Variants in SGPP2 observed in about 807,000 individuals in gnomAD.
SGPP2 encodes sphingosine 1-phosphate phosphohydrolase 2.
Under a neutral mutation model 33.9 loss-of-function variants are expected in SGPP2, and 30 were observed. That is an observed-to-expected ratio of 0.89 (90% CI 0.66 to 1.20). SGPP2 has a LOEUF of 1.20. Ranked by LOEUF, SGPP2 falls within the 50% of genes most tolerant of loss-of-function variation. The pLI is 0.00. For missense variants in SGPP2, 458 were observed against 532.1 expected, an observed-to-expected ratio of 0.86 and a Z score of 1.37; for synonymous variants, 233 against 225.0, an observed-to-expected ratio of 1.04 and a Z score of -0.32.
chr2:222,530,506 G>A (rs115363744), intron 4 of SGPP2, among the ~76,000 whole-genome samples: 1,640 of 152,204 alleles, frequency 0.011, 34 homozygotes, highest in African/African-American at 0.038. Context: ...TTTTGAACAC[G>A]GCTTCTTTCC....
intron 1 of SGPP2, among the ~76,000 whole-genome samples, chr2:222,457,787 G>C (rs933895633): frequency 2.6e-5 from 4 of 152,216 alleles, no homozygotes; most frequent in Non-Finnish European, 5.9e-5. Flanking sequence ...GTGCATGTCT[G>C]TGCTGTCCTC....
intron 1 of SGPP2, among the ~76,000 whole-genome samples, chr2:222,434,710 T>G (rs1574828543): frequency 6.6e-6 from 1 of 152,188 alleles, no homozygotes; most frequent in African/African-American, 2.4e-5. Flanking sequence ...CCATAAAATT[T>G]TATGAAAAAC....
intron 2 of SGPP2, among the ~76,000 whole-genome samples, chr2:222,478,841 C>T (rs1697988797): frequency 6.6e-6 from 1 of 152,134 alleles, no homozygotes; most frequent in African/African-American, 2.4e-5. Flanking sequence ...TTAGTCCTCA[C>T]CTGTATTGTA....
chr2:222,546,165 G>C (rs1297764365), intron 4 of SGPP2, among the ~76,000 whole-genome samples: 1 of 151,888 alleles, frequency 6.6e-6, no homozygotes. Context: ...TCCAGTAAGT[G>C]CTATGATTTA....
chr2:222,445,143 T>G (rs1033977722), intron 1 of SGPP2, among the ~76,000 whole-genome samples: 8 of 152,210 alleles, frequency 5.3e-5, no homozygotes, highest in African/African-American at 1.9e-4. Flanking sequence ...AGATAGTAAC[T>G]AATTGCTGCT....
At chr2:222,447,143 C>A (rs1324967282) in intron 1 of SGPP2, among the ~76,000 whole-genome samples, 6 of 152,186 alleles carry the variant, frequency 3.9e-5, no homozygotes, top group Admixed American at 3.9e-4. Flanking sequence ...GCTGCTGTTG[C>A]TTCTGACATC....
intron 2 of SGPP2, among the ~76,000 whole-genome samples, chr2:222,491,016 C>G (rs1238413028): frequency 2.6e-5 from 4 of 151,998 alleles, no homozygotes; most frequent in African/African-American, 9.7e-5. Flanking sequence ...TTGTGCTTGC[C>G]CAGTAGGATG....
In SGPP2 at chr2:222,465,707, T is replaced by G. The variant is rs1164081285; in HGVS notation, c.220-8861T>G. On this transcript the variant is annotated intron_variant, in intron 1 of 4. Transcript: ENST00000321276. This position sits in a 1 kb window ranked among gnomAD's most constrained non-coding sequence, Gnocchi z 4.1. ...TCCCATTTAAAACCCTCCCATGGCT[T>G]TCTGCTCCTTCCAGCCTCAGTCTCA... 6.6e-6 allele frequency among the ~76,000 whole-genome samples: 1 copy of G among 152,224 alleles called. No individual in the cohort carries two copies. Among genetic ancestry groups the G allele is most frequent in the Non-Finnish European group, 1.5e-5 (1 of 68,034 alleles).
chr2:222,467,739 T>A (rs1697767371), intron 1 of SGPP2, among the ~76,000 whole-genome samples: 1 of 151,916 alleles, frequency 6.6e-6, no homozygotes, highest in Non-Finnish European at 1.5e-5. Context: ...AATCTTAACA[T>A]TATCTTAAAA....
intron 2 of SGPP2, among the ~76,000 whole-genome samples, chr2:222,501,571 A>T (rs1473962216): frequency 6.6e-6 from 1 of 152,210 alleles, no homozygotes; most frequent in Non-Finnish European, 1.5e-5. Context: ...TGAGCCTAAA[A>T]TCAGACTCTT....
chr2:222,494,616 G>A (rs139266789), intron 2 of SGPP2, among the ~76,000 whole-genome samples: 13 of 152,344 alleles, frequency 8.5e-5, no homozygotes, highest in Non-Finnish European at 1.6e-4. Context: ...GCAGTTCCAT[G>A]ACAGTCACCA....
At chr2:222,515,919 G>T (rs1030549076) in intron 2 of SGPP2, among the ~76,000 whole-genome samples, 18 of 152,066 alleles carry the variant, frequency 1.2e-4, no homozygotes, top group Middle Eastern at 3.2e-3. Flanking sequence ...GTGGTAGCGC[G>T]TGACTGTAGT....
At chr2:222,494,788 T>C (rs1307269197) in intron 2 of SGPP2, among the ~76,000 whole-genome samples, 1 of 152,220 alleles carries the variant, frequency 6.6e-6, no homozygotes, top group East Asian at 1.9e-4. Flanking sequence ...CCAAAGACTG[T>C]ACCTCTCTTT....
At chr2:222,473,709 G>C (rs1697884335) in intron 1 of SGPP2, among the ~76,000 whole-genome samples, 1 of 152,154 alleles carries the variant, frequency 6.6e-6, no homozygotes, top group African/African-American at 2.4e-5. Context: ...TGGATCACCT[G>C]AGGTTGGGAG....
intron 1 of SGPP2, among the ~76,000 whole-genome samples, chr2:222,461,578 A>G (rs1382887803): frequency 3.3e-5 from 5 of 151,940 alleles, no homozygotes; most frequent in African/African-American, 1.2e-4. Flanking sequence ...TGGGAGCCCT[A>G]AGCTTGTTTT....
At position 222,561,120 on chromosome 2, in the gene SGPP2, AT is replaced by A. The variant is rs1333634956; in HGVS notation, c.*2227del. 6.6e-6 allele frequency among the ~76,000 whole-genome samples: 1 copy of A among 151,598 alleles called. No individual in the cohort carries two copies. Among genetic ancestry groups the A allele is most frequent in the Non-Finnish European group, 1.5e-5 (1 of 67,952 alleles). Reference sequence around the variant, plus strand: ...ACTCTCTCAAAAAAAAAAAAAAAGAATTTTTAGCAAAACATCCTGTTTTTAC... The same window carrying A: ...ACTCTCTCAAAAAAAAAAAAAAAGAATTTTAGCAAAACATCCTGTTTTTAC... On this transcript the variant is annotated 3_prime_UTR_variant, in exon 5 of 5. Coordinates refer to ENST00000321276, the MANE Select transcript of SGPP2 (RefSeq NM_152386.4).
chr2:222,459,142 C>CTTTCTTTTTTTTTTTTTTTTTTTTTTTT (rs1414316448), intron 1 of SGPP2, among the ~76,000 whole-genome samples: 1 of 94,462 alleles, frequency 1.1e-5, no homozygotes, highest in Non-Finnish European at 2.1e-5. Flanking sequence ...TTCTTTCTTT[C>CTTTCTTTTTTTTTTTTTTTTTTTTTTTT]TTTTTTTTTT....
Position 222,477,166 on chromosome 2 carries a change from G to A in SGPP2, c.378+2440G>A, listed in dbSNP as rs1176667498. ...GTGTATATATCTGTGTGTGTGTATA[G>A]GTGTGTGTATATGTGTATGTGTGTA... On this transcript the variant is annotated intron_variant, in intron 2 of 4. Coordinates refer to ENST00000321276, the MANE Select transcript of SGPP2 (RefSeq NM_152386.4). This position sits in a 1 kb window ranked among gnomAD's most constrained non-coding sequence, Gnocchi z 6.0. Among the ~76,000 whole-genome samples, 1 of 147,284 alleles carries A rather than the reference G, an allele frequency of 6.8e-6. No homozygotes were observed. Among genetic ancestry groups the A allele is most frequent in the African/African-American group, 2.5e-5 (1 of 39,968 alleles).
intron 4 of SGPP2, among the ~76,000 whole-genome samples, chr2:222,540,084 C>A (rs1019182495): frequency 1.3e-5 from 2 of 152,148 alleles, no homozygotes; most frequent in Non-Finnish European, 2.9e-5. Flanking sequence ...TCCAAAGTCT[C>A]TTCGGTCATA....
Sources: allele counts gnomAD v4.1 joint callset (sites outside exome capture counted in the v4.1 genomes callset), GRCh38; gene constraint gnomAD v4.1.1; non-coding constraint Gnocchi (gnomAD v3.1); transcripts MANE v1.5; gene names NCBI Gene and HGNC (gene_info 2026-07-23, HGNC 2026-07-21).